The following MYCBP2 variants were observed in gnomAD, a reference collection of about 807,000 sequenced individuals.
MYCBP2 encodes MYC binding protein 2, also known as E3 ubiquitin-protein ligase MYCBP2.
MYCBP2 carries 120 observed loss-of-function variants against 525.3 expected under a neutral mutation model. That is an observed-to-expected ratio of 0.23 (90% CI 0.20 to 0.27). MYCBP2 has a LOEUF of 0.27. Ranked by LOEUF, MYCBP2 falls within the 10% of genes least tolerant of loss-of-function variation. The pLI is 1.00. For missense variants in MYCBP2, 4,149 were observed against 5,657.1 expected (o/e 0.73, Z 8.55); for synonymous variants, 1,894 against 1,955.8 (o/e 0.97, Z 0.83).
In MYCBP2 at chr13:77,190,271, T is replaced by A; in HGVS notation, c.4135A>T (p.Ile1379Leu). The A allele has an allele frequency of 6.2e-7, 1 of 1,606,602 alleles. No homozygotes were observed. The highest frequency in any genetic ancestry group is 8.5e-7 in the Non-Finnish European group (1 of 1,174,442). ...AAATACCTGTATAATAACTGAGGTATCTGACCCGCATTAACATCTGTACCA... is the reference window on the plus strand; with the variant it reads ...AAATACCTGTATAATAACTGAGGTAACTGACCCGCATTAACATCTGTACCA... ...NNGTDVNAGQIPQLLYRLPTS... is the reference protein window; with the variant it reads ...NNGTDVNAGQLPQLLYRLPTS... Residue 1379 changes from isoleucine (I) to leucine (L), a missense_variant, in exon 29 of 83, where the codon ATA (isoleucine) becomes TTA (leucine). Ile to Leu is a conservative substitution (Grantham distance 5). This residue lies in a region of MYCBP2 where 3 missense variants were observed against 18.4 expected (regional missense o/e 0.16). Transcript: ENST00000544440.
chr13:77,194,953 T>A (rs568493763), intron 26 of MYCBP2, among the ~76,000 whole-genome samples: 2 of 150,154 alleles, frequency 1.3e-5, no homozygotes, highest in African/African-American at 4.9e-5. Context: ...AGAAAAGATA[T>A]CCAATACAAA....
chr13:77,204,433 CTT>C (rs2063044483), intron 26 of MYCBP2, among the ~76,000 whole-genome samples: 1 of 111,926 alleles, frequency 8.9e-6, no homozygotes, highest in Non-Finnish European at 1.8e-5. Flanking sequence ...AATAGGAACA[CTT>C]TTACACTGTT....
intron 26 of MYCBP2, among the ~76,000 whole-genome samples, chr13:77,198,534 C>T (rs1347967678): frequency 6.6e-6 from 1 of 152,176 alleles, no homozygotes; most frequent in Non-Finnish European, 1.5e-5. Context: ...GAAATTCAGG[C>T]AGAAACTATA....
intron 18 of MYCBP2, among the ~76,000 whole-genome samples, chr13:77,228,916 AG>A: frequency 6.6e-6 from 1 of 152,308 alleles, no homozygotes; most frequent in Middle Eastern, 3.4e-3. Context: ...ATACTTTTGG[AG>A]GGTAATCCTA....
chr13:77,230,302 T>C (rs1403144799), intron 18 of MYCBP2, among the ~76,000 whole-genome samples: 5 of 152,212 alleles, frequency 3.3e-5, no homozygotes, highest in African/African-American at 1.2e-4. Flanking sequence ...CTATAATTTG[T>C]ACCAACATAA....
At chr13:77,126,819 T>C (rs1247503737) in intron 52 of MYCBP2, among the ~76,000 whole-genome samples, 1 of 152,108 alleles carries the variant, frequency 6.6e-6, no homozygotes, top group Non-Finnish European at 1.5e-5. Flanking sequence ...ATAATCATCC[T>C]TGATTTTACT....
At chr13:77,209,207 T>C (rs534636281) in intron 23 of MYCBP2, among the ~76,000 whole-genome samples, 4 of 152,216 alleles carry the variant, frequency 2.6e-5, no homozygotes, top group Non-Finnish European at 5.9e-5. Context: ...GCTACTACCA[T>C]AAATGGAAAA....
rs142601380 is a variant in MYCBP2 at position 77,292,318 on chromosome 13, T to C, written c.379-3942A>G. ...AATAAATCTTAGCCATGAGTATAAA[T>C]TGCTTGTGAGATTTATGAGTCCTTC... On this transcript the variant is annotated intron_variant, in intron 2 of 82. Coordinates refer to ENST00000544440, the MANE Select transcript of MYCBP2 (RefSeq NM_015057.5). Among the ~76,000 whole-genome samples the C allele has an allele frequency of 9.2e-5, 14 of 152,228 alleles. 1 individual carries two copies. In the East Asian group the frequency reaches 2.1e-3, roughly 23 times the overall value.
chr13:77,185,014 A>T, intron 32 of MYCBP2, 89 bp downstream of exon 32: 1 of 1,186,534 alleles, frequency 8.4e-7, no homozygotes, highest in Non-Finnish European at 1.2e-6. Flanking sequence ...TATACAAGTT[A>T]AGAAGATATG....
At chr13:77,165,908 T>C (rs903649566) in intron 41 of MYCBP2, among the ~76,000 whole-genome samples, 1 of 152,202 alleles carries the variant, frequency 6.6e-6, no homozygotes, top group East Asian at 1.9e-4. Flanking sequence ...TTTTAAAACA[T>C]AGTTTCTCTT....
intron 20 of MYCBP2, 132 bp from the exon 21 acceptor site, chr13:77,218,089 T>C (rs2065069539): frequency 1.9e-6 from 1 of 528,720 alleles, no homozygotes; most frequent in Admixed American, 3.8e-5. Context: ...AACATTTAAG[T>C]GCTAAACGCC....
intron 55 of MYCBP2, among the ~76,000 whole-genome samples, chr13:77,110,288 G>T (rs986395108): frequency 6.6e-6 from 1 of 152,116 alleles, no homozygotes; most frequent in African/African-American, 2.4e-5. Flanking sequence ...TGCTCTGGGA[G>T]TGTCTGTCTT....
rs550565574 is a variant in MYCBP2, at chr13:77,249,041, T to C, written c.2381+2110A>G. On this transcript the variant is annotated intron_variant, in intron 15 of 82. Coordinates refer to ENST00000544440, the MANE Select transcript of MYCBP2 (RefSeq NM_015057.5). ...AAGACAAATACTCTGATTCTCTTTA[T>C]ATGAGAGGTACCTAGAGTAGTCAAT... Among the ~76,000 whole-genome samples, 215 of 152,328 alleles carry C rather than the reference T, an allele frequency of 1.4e-3. 2 individuals are homozygous for C. Among genetic ancestry groups the C allele is most frequent in the African/African-American group, 4.9e-3 (205 of 41,578 alleles).
intron 46 of MYCBP2, among the ~76,000 whole-genome samples, chr13:77,152,295 A>G (rs556713388): frequency 6.6e-6 from 1 of 152,228 alleles, no homozygotes; most frequent in Non-Finnish European, 1.5e-5. Context: ...TCTTATATTT[A>G]AAAAATGGCA....
chr13:77,157,467 A>G (rs2154200109), intron 45 of MYCBP2, among the ~76,000 whole-genome samples: 1 of 152,230 alleles, frequency 6.6e-6, no homozygotes, highest in East Asian at 1.9e-4. Context: ...CTAGCAATCC[A>G]CTTACCTCAG....
Position 77,146,207 on chromosome 13 carries a change from T to G in MYCBP2, c.7142A>C (p.Asn2381Thr). 1 of 1,594,290 alleles carries G rather than the reference T, an allele frequency of 6.3e-7. No homozygotes were observed. Among genetic ancestry groups the G allele is most frequent in the East Asian group, 2.3e-5 (1 of 44,058 alleles). ...AAAACGTAGTTCTTCAAATGAATAATTTTCATAAACCTTTAAGAAAGAGAC... is the reference window on the plus strand; with the variant it reads ...AAAACGTAGTTCTTCAAATGAATAAGTTTCATAAACCTTTAAGAAAGAGAC... The part of the protein sequence containing the change: ...IAITMMKVYE[N>T]YSFEELRFAS... Residue 2381 changes from asparagine (N) to threonine (T), a missense_variant, in exon 48 of 83, where the codon AAT becomes ACT. Asn to Thr is a moderately conservative substitution (Grantham distance 65). Transcript: ENST00000544440.
chr13:77,188,968 C>T lies in MYCBP2; in HGVS notation c.4234G>A (p.Ala1412Thr). ...TGGCTTACCACTGAGACAGTTCTTG[C>T]AAAAGACCTCTTTAAAATGTGTACA... ...EPVHILKRSF[A>T]RTVSVECFES... is the part of the protein sequence containing the mutation. The change falls in exon 30 of 83, where the codon GCA becomes ACA. Residue 1412 changes from alanine (A) to threonine (T), a missense_variant. Transcript: ENST00000544440. 2 of 1,598,136 alleles carry T rather than the reference C, an allele frequency of 1.3e-6. No individual in the cohort carries two copies. The highest frequency in any genetic ancestry group is 1.7e-6 in the Non-Finnish European group (2 of 1,173,706).
intron 55 of MYCBP2, chr13:77,118,588 T>C (rs1566597724): frequency 1.5e-6 from 1 of 677,394 alleles, no homozygotes; most frequent in Non-Finnish European, 2.7e-6. Flanking sequence ...TCAGATAGAG[T>C]TGAACACTAA....
At chr13:77,210,425 C>T (rs2063854508) in intron 23 of MYCBP2, among the ~76,000 whole-genome samples, 1 of 152,086 alleles carries the variant, frequency 6.6e-6, no homozygotes, top group Non-Finnish European at 1.5e-5. Context: ...ATCTCCTGAC[C>T]TCGTGATCTG....
Sources: allele counts gnomAD v4.1 joint callset (sites outside exome capture counted in the v4.1 genomes callset), GRCh38; gene constraint gnomAD v4.1.1; regional missense constraint gnomAD v4.1.1; transcripts MANE v1.5; gene names NCBI Gene and HGNC (gene_info 2026-07-23, HGNC 2026-07-21).